The following USP42 variants were observed in gnomAD, a reference collection of about 807,000 sequenced individuals.
The protein encoded by USP42 is ubiquitin specific peptidase 42.
A neutral mutation model predicts 113.0 loss-of-function variants in USP42; 23 were observed. The observed-to-expected ratio is 0.20, with a 90% CI of 0.15 to 0.29. USP42 has a LOEUF of 0.29. USP42 is among the 10% of genes least tolerant of loss of function. The probability of loss-of-function intolerance (pLI) is 1.00; values close to 1 mark genes in which losing one functional copy is unlikely to be tolerated. For missense variants in USP42, 2,174 were observed against 1,779.8 expected (o/e 1.22, Z -3.99); for synonymous variants, 933 against 699.0 (o/e 1.33, Z -5.28).
chr7:6,103,747 A>AAC (rs1790215638), upstream of USP42, among the ~76,000 whole-genome samples: 1 of 149,612 alleles, frequency 6.7e-6, no homozygotes, highest in South Asian at 2.1e-4. Flanking sequence ...ACAAAAAAAA[A>AAC]AAAAAAAACA....
At chr7:6,153,717 C>T in intron 14 of USP42, 39 bp from the exon 15 acceptor site, 5 of 1,426,152 alleles carry the variant, frequency 3.5e-6, no homozygotes, top group Non-Finnish European at 4.6e-6. Flanking sequence ...CCTGTCAAGC[C>T]CACGCTAACG....
At chr7:6,110,606 T>A (rs1301597834) in intron 1 of USP42, among the ~76,000 whole-genome samples, 3 of 152,296 alleles carry the variant, frequency 2.0e-5, no homozygotes, top group African/African-American at 4.8e-5. Context: ...ATTATAATTT[T>A]AAAAAATATA....
Position 6,155,106 on chromosome 7 carries a change from G to T in USP42, c.3552G>T (p.Lys1184Asn). 6.4e-7 allele frequency: 1 copy of T among 1,559,342 alleles called. No individual in the cohort carries two copies. The highest frequency in any genetic ancestry group is 8.7e-7 in the Non-Finnish European group (1 of 1,151,780). ...VEKKARRSEQ[K>N]DPLEEPKAKK... ...AGAAAGCCCGGAGGAGCGAACAGAA[G>T]GATCCTCTAGAAGAGCCTAAAGCAA... The change falls in exon 15 of 18, where the codon AAG (lysine) becomes AAT (asparagine). Residue 1184 changes from lysine to asparagine, a missense_variant. Coordinates refer to ENST00000306177, the MANE Select transcript of USP42 (RefSeq NM_032172.3).
the USP42 span, among the ~76,000 whole-genome samples, chr7:6,082,219 C>A: frequency 3.0e-4 from 45 of 151,826 alleles, no homozygotes; most frequent in African/African-American, 1.1e-3. Flanking sequence ...AGCTCGGCCT[C>A]CCGGGTTCAC....
upstream of USP42, among the ~76,000 whole-genome samples, chr7:6,102,880 C>A (rs1466328829): frequency 6.6e-6 from 1 of 151,032 alleles, no homozygotes; most frequent in Non-Finnish European, 1.5e-5. Flanking sequence ...ACCCAAGCCA[C>A]TGTAGGGTGG....
the USP42 span, among the ~76,000 whole-genome samples, chr7:6,097,839 C>G: frequency 6.7e-6 from 1 of 150,138 alleles, no homozygotes; most frequent in Non-Finnish European, 1.5e-5. Context: ...ATCCGCCCGC[C>G]TCGGCCTCCC....
rs753135066 is a variant in USP42 at position 6,144,154 on chromosome 7, T to A, written c.948T>A (p.Ser316=). The change falls in exon 9 of 18, where the codon TCT becomes TCA. Residue 316 remains serine (S), a synonymous_variant. Transcript: ENST00000306177. ...GATCCTCTAATGTTCTTACACTTTC[T>A]CTGAAACGTTTTGCAAATTTTACCG... ...IHRSSNVLTL[S]LKRFANFTGG... 5.0e-6 allele frequency: 8 copies of A among 1,596,328 alleles called. No individual in the cohort carries two copies. The South Asian group carries it at 9.2e-5, about 18-fold the overall frequency.
At chr7:6,122,309 T>C (rs554799016) in intron 3 of USP42, among the ~76,000 whole-genome samples, 1 of 149,420 alleles carries the variant, frequency 6.7e-6, no homozygotes, top group South Asian at 2.1e-4. Context: ...AAAGACAGGG[T>C]CTCACTCACT....
intron 3 of USP42, among the ~76,000 whole-genome samples, chr7:6,131,331 C>T (rs750455112): frequency 7.9e-5 from 12 of 151,890 alleles, no homozygotes; most frequent in Non-Finnish European, 1.5e-4. Flanking sequence ...AAACATTAGC[C>T]GGGTATGGTG....
the USP42 span, among the ~76,000 whole-genome samples, chr7:6,092,053 C>CTTCT: frequency 5.7e-4 from 24 of 41,752 alleles, no homozygotes; most frequent in African/African-American, 8.3e-4. Context: ...TCTTCTTCTT[C>CTTCT]TTTCTTCTTC....
chr7:6,143,142 G>A (rs1441892832), intron 8 of USP42, 128 bp downstream of exon 8: 11 of 848,556 alleles, frequency 1.3e-5, no homozygotes, highest in East Asian at 5.3e-5. Context: ...AAGACACTGC[G>A]TCCCTGTCGT....
chr7:6,110,092 C>T (rs1029270952), intron 1 of USP42, among the ~76,000 whole-genome samples: 1 of 152,018 alleles, frequency 6.6e-6, no homozygotes, highest in South Asian at 2.1e-4. Context: ...CCTTGGCCTC[C>T]CAAGGTGCTG....
At chr7:6,091,993 CTTCTTCT>C in the USP42 span, among the ~76,000 whole-genome samples, 1 of 65,324 alleles carries the variant, frequency 1.5e-5, no homozygotes. Flanking sequence ...TCTTCTTCTT[CTTCTTCT>C]TCTTCTTCTT....
At chr7:6,135,651 C>CAAAAAAAAAAAA (rs1173165919) in intron 3 of USP42, among the ~76,000 whole-genome samples, 190 bp from the exon 4 acceptor site, 35 of 16,020 alleles carry the variant, frequency 2.2e-3, no homozygotes, top group Admixed American at 4.6e-3. Context: ...GACTCCATCT[C>CAAAAAAAAAAAA]AAAAAAAAAA....
intron 3 of USP42, among the ~76,000 whole-genome samples, chr7:6,133,622 CT>C (rs1259615861): frequency 6.6e-6 from 1 of 151,890 alleles, no homozygotes; most frequent in Admixed American, 6.6e-5. Context: ...TCAGGTGGTC[CT>C]CCCATCCCAC....
intron 2 of USP42, among the ~76,000 whole-genome samples, chr7:6,114,347 A>G (rs1583583646): frequency 6.6e-6 from 1 of 152,108 alleles, no homozygotes; most frequent in East Asian, 1.9e-4. Flanking sequence ...TATTTTTTAA[A>G]TGTTCAAAGT....
rs1421564014 is a variant in USP42 at position 6,154,499 on chromosome 7, G to T, written c.2945G>T (p.Arg982Leu). 6.5e-7 allele frequency: 1 copy of T among 1,543,694 alleles called. No homozygotes were observed. The highest frequency in any genetic ancestry group is 2.5e-5 in the East Asian group (1 of 40,738). The stretch of plus-strand genomic sequence containing the variant: ...GAGGGCCACCGTCACCGGCGGCGCC[G>T]CACCTGCCCCCGGGAGCGCGACCGC... ...KTEGHRHRRR[R>L]TCPRERDRQD... Residue 982 changes from arginine (R) to leucine (L), a missense_variant, in exon 15 of 18, where the codon CGC becomes CTC. Physicochemically the swap from Arg to Leu is moderately radical, Grantham distance 102. Coordinates refer to ENST00000306177, the MANE Select transcript of USP42 (RefSeq NM_032172.3).
intron 1 of USP42, among the ~76,000 whole-genome samples, chr7:6,108,573 C>A (rs554998531): frequency 3.2e-4 from 48 of 152,112 alleles, no homozygotes; most frequent in Non-Finnish European, 6.5e-4. Flanking sequence ...CTCCACCTCC[C>A]GGGTTCAAGC....
At chr7:6,130,774 C>A (rs879536037) in intron 3 of USP42, among the ~76,000 whole-genome samples, 1 of 152,034 alleles carries the variant, frequency 6.6e-6, no homozygotes, top group Admixed American at 6.6e-5. Flanking sequence ...AGAGGAGACA[C>A]AAGAGAGGCT....
Sources: allele counts gnomAD v4.1 joint callset (sites outside exome capture counted in the v4.1 genomes callset), GRCh38; gene constraint gnomAD v4.1.1; transcripts MANE v1.5; gene names NCBI Gene and HGNC (gene_info 2026-07-23, HGNC 2026-07-21).